Variants in DTNB observed in about 807,000 individuals in gnomAD.
The protein encoded by DTNB is dystrobrevin beta.
A neutral mutation model predicts 90.7 loss-of-function variants in DTNB; 63 were observed. That is an observed-to-expected ratio of 0.69 (90% CI 0.57 to 0.86). DTNB has a LOEUF of 0.86. Ranked by LOEUF, DTNB falls within the 40% of genes least tolerant of loss-of-function variation. DTNB has a pLI of 0.00. For missense variants in DTNB, 744 were observed against 807.1 expected, an observed-to-expected ratio of 0.92 and a Z score of 0.95; for synonymous variants, 277 against 286.7, an observed-to-expected ratio of 0.97 and a Z score of 0.34.
At chr2:25,572,072 C>T (rs984634440) in intron 8 of DTNB, among the ~76,000 whole-genome samples, 5 of 152,164 alleles carry the variant, frequency 3.3e-5, no homozygotes, top group African/African-American at 1.2e-4. Flanking sequence ...ACGTGCAGTC[C>T]AATTCAGTCG....
chr2:25,402,967 A>C (rs2044127661), intron 16 of DTNB, among the ~76,000 whole-genome samples: 1 of 152,256 alleles, frequency 6.6e-6, no homozygotes, highest in Non-Finnish European at 1.5e-5. Flanking sequence ...GACAAAGAAC[A>C]ACCTATTAAA....
intron 12 of DTNB, among the ~76,000 whole-genome samples, chr2:25,437,153 G>A (rs1380165608): frequency 6.6e-6 from 1 of 152,166 alleles, no homozygotes; most frequent in Admixed American, 6.5e-5. Flanking sequence ...CTGGTGTCCC[G>A]GCAGGACTCC....
intron 8 of DTNB, among the ~76,000 whole-genome samples, chr2:25,539,526 C>G (rs934976152): frequency 2.0e-5 from 3 of 147,792 alleles, no homozygotes; most frequent in African/African-American, 7.5e-5. Flanking sequence ...TGTGTTTCTT[C>G]TTCTGTGAAA....
intron 2 of DTNB, among the ~76,000 whole-genome samples, chr2:25,647,648 G>A (rs1054597761): frequency 4.6e-5 from 7 of 152,122 alleles, no homozygotes; most frequent in Non-Finnish European, 2.9e-5. Flanking sequence ...GCCGAGGTGG[G>A]AGGATCGCTT....
intron 9 of DTNB, among the ~76,000 whole-genome samples, chr2:25,507,278 G>A (rs2072692663): frequency 6.6e-6 from 1 of 152,082 alleles, no homozygotes; most frequent in Admixed American, 6.6e-5. Flanking sequence ...ACTTTCTCCA[G>A]TATACCCACA....
At chr2:25,573,389 C>T (rs2060174307) in intron 8 of DTNB, among the ~76,000 whole-genome samples, 1 of 152,164 alleles carries the variant, frequency 6.6e-6, no homozygotes, top group Non-Finnish European at 1.5e-5. Context: ...TGATCTTTAC[C>T]ACAGGACTGG....
At chr2:25,534,815 GAAGAGCGGCC>G in intron 8 of DTNB, among the ~76,000 whole-genome samples, 1 of 138,222 alleles carries the variant, frequency 7.2e-6, no homozygotes, top group Non-Finnish European at 1.5e-5. Flanking sequence ...CCTCCCAGAC[GAAGAGCGGCC>G]GGGCAGAGGT....
chr2:25,625,772 C>CA (rs1229409742), intron 4 of DTNB, among the ~76,000 whole-genome samples: 1 of 152,038 alleles, frequency 6.6e-6, no homozygotes, highest in Non-Finnish European at 1.5e-5. Context: ...CTTCTTTAGC[C>CA]ATATGCTATA....
At chr2:25,462,086 C>CT (rs1352794194) in intron 10 of DTNB, among the ~76,000 whole-genome samples, 1 of 152,168 alleles carries the variant, frequency 6.6e-6, no homozygotes, top group African/African-American at 2.4e-5. Flanking sequence ...TGACTACCTC[C>CT]TTTAGAACTC....
At chr2:25,667,817 C>T (rs759638088) in intron 1 of DTNB, among the ~76,000 whole-genome samples, 15 of 152,174 alleles carry the variant, frequency 9.9e-5, no homozygotes, top group African/African-American at 3.6e-4. Flanking sequence ...AACCTGCACA[C>T]GGATGTTTAT....
rs60610400 is a variant in DTNB, at chr2:25,432,206, TACACACACACACAC to T, written c.1457+666_1457+679del. Among the ~76,000 whole-genome samples the T allele has an allele frequency of 1.3e-3, 192 of 146,430 alleles. 1 individual carries two copies. Among genetic ancestry groups the T allele is most frequent in the African/African-American group, 4.6e-3 (181 of 39,444 alleles). On this transcript the variant is annotated intron_variant, in intron 14 of 20. Coordinates refer to ENST00000406818, the MANE Select transcript of DTNB (RefSeq NM_021907.5). ...ATGTCTTAACTTACAGAAGAGTGCG[TACACACACACACAC>T]ACACACACACACACACACACACACC...
rs972050239 is a variant in DTNB, at chr2:25,379,327, T to C, written c.1880-4A>G. ...TGTGTCCGGCTCCTCTGCTAACCTG[T>C]GGCAGCATGGGCAGAAACAACACAC... On this transcript the variant is annotated splice_polypyrimidine_tract_variant and splice_region_variant and intron_variant, in intron 19 of 20. Coordinates refer to ENST00000406818, the MANE Select transcript of DTNB (RefSeq NM_021907.5). 4.6e-6 allele frequency: 6 copies of C among 1,316,734 alleles called. No homozygotes were observed. The highest frequency in any genetic ancestry group is 2.9e-6 in the Non-Finnish European group (3 of 1,023,624). The allele number at this position is 1,316,734 out of a possible 1,614,324, so 81.6% of individuals were successfully genotyped here. A position where few individuals can be genotyped will look rare whatever the true frequency, so the allele number is the denominator to read the frequency against.
intron 8 of DTNB, among the ~76,000 whole-genome samples, chr2:25,550,453 A>G (rs1344527629): frequency 6.6e-6 from 1 of 152,196 alleles, no homozygotes; most frequent in African/African-American, 2.4e-5. Flanking sequence ...GTTTTCTTAA[A>G]ACCAGTGATG....
intron 6 of DTNB, among the ~76,000 whole-genome samples, chr2:25,583,184 T>C (rs747375615): frequency 5.1e-4 from 76 of 148,974 alleles, no homozygotes; most frequent in Non-Finnish European, 8.3e-4. Context: ...GAAGCAAAGG[T>C]TGCAGTGAGC....
At chr2:25,402,430 GAGTCTTTTATTT>G (rs2043969922) in intron 16 of DTNB, among the ~76,000 whole-genome samples, 1 of 152,166 alleles carries the variant, frequency 6.6e-6, no homozygotes, top group Non-Finnish European at 1.5e-5. Context: ...AAGTGCTGCG[GAGTCTTTTATTT>G]ATTCTTATTT....
intron 1 of DTNB, among the ~76,000 whole-genome samples, chr2:25,670,669 G>A (rs1559460689): frequency 6.6e-6 from 1 of 152,184 alleles, no homozygotes; most frequent in Non-Finnish European, 1.5e-5. Context: ...TACACAACTA[G>A]GTGCCACAGC....
chr2:25,458,905 A>G (rs2060491512), intron 10 of DTNB, among the ~76,000 whole-genome samples: 1 of 152,164 alleles, frequency 6.6e-6, no homozygotes, highest in African/African-American at 2.4e-5. Context: ...TCGGCCTCCC[A>G]AAGTGCTGGG....
intron 16 of DTNB, among the ~76,000 whole-genome samples, chr2:25,411,105 C>A (rs1176718862): frequency 6.6e-6 from 1 of 151,824 alleles, no homozygotes; most frequent in South Asian, 2.1e-4. Context: ...ATGGCTGTAA[C>A]CCCAGCACTT....
At position 25,503,053 on chromosome 2, in the gene DTNB, C is replaced by CA. The variant is rs58871909; in HGVS notation, c.1002-20181dup. ...AGAGTGACAGAGCAAGACCCTATCT[C>CA]AAAAAAAAAAAAAAAAAAAAAAAAA... is the stretch of plus-strand genomic sequence containing the variant. On this transcript the variant is annotated intron_variant, in intron 9 of 20. Coordinates refer to ENST00000406818, the MANE Select transcript of DTNB (RefSeq NM_021907.5). Among the ~76,000 whole-genome samples the CA allele has an allele frequency of 1.8e-3, 28 of 15,356 alleles. 9 individuals are homozygous for CA. Among genetic ancestry groups the CA allele is most frequent in the South Asian group, 6.9e-3 (2 of 288 alleles). 10.1% of individuals were successfully genotyped at this position (15,356 alleles called of 152,430 possible).
Sources: gnomAD v4.1 joint callset for allele counts (sites outside exome capture counted in the v4.1 genomes callset) on GRCh38, gnomAD v4.1.1 for gene constraint, MANE v1.5 for transcripts, NCBI Gene and HGNC (gene_info 2026-07-23, HGNC 2026-07-21) for gene names.